Variants in HAUS6 observed in about 807,000 individuals in gnomAD.
HAUS6 encodes the protein HAUS augmin-like complex subunit 6.
A neutral mutation model predicts 106.8 loss-of-function variants in HAUS6; 80 were observed. The ratio of observed to expected loss-of-function variants is 0.75; its 90% confidence interval spans 0.63 to 0.90. The LOEUF (loss-of-function observed/expected upper bound fraction) is 0.90. HAUS6 is among the 40% of genes least tolerant of loss of function. The pLI is 0.00. For synonymous variants in HAUS6, 356 were observed against 379.1 expected, an observed-to-expected ratio of 0.94 and a Z score of 0.71; for missense variants, 1,155 against 1,118.1, an observed-to-expected ratio of 1.03 and a Z score of -0.47.
At position 19,053,538 on chromosome 9, in the gene HAUS6, T is replaced by G. The variant is rs1490708760; in HGVS notation, c.*2805A>C. On this transcript the variant is annotated 3_prime_UTR_variant, in exon 17 of 17. Transcript: ENST00000380502. ...CCCCAAATGTTAACTTCAGCTATTC[T>G]TTATTCCACTTGATGACATTTTTCA... The G allele has an allele frequency of 6.6e-6, 1 of 152,244 alleles. No homozygotes were observed. Among genetic ancestry groups the G allele is most frequent in the Non-Finnish European group, 1.5e-5 (1 of 68,016 alleles). 9.4% of individuals were successfully genotyped at this position (152,244 alleles called of 1,614,324 possible).
At chr9:19,065,598 T>C (rs901489874) in intron 12 of HAUS6, among the ~76,000 whole-genome samples, 1 of 152,178 alleles carries the variant, frequency 6.6e-6, no homozygotes, top group African/African-American at 2.4e-5. Context: ...CCCACCACTT[T>C]GGGAGGCTGA....
rs750868737 is a variant in HAUS6, at chr9:19,063,014, T to C, written c.1623A>G (p.Val541=). The C allele has an allele frequency of 1.2e-6, 2 of 1,607,952 alleles. No individual in the cohort carries two copies. The highest frequency in any genetic ancestry group is 1.7e-6 in the Non-Finnish European group (2 of 1,176,444). ...CATTACAGTCTTTTCTCACCTCTTC[T>C]ACCAGATGATCTTGCTCTTTTTGAA... ...DPFQKEQDHL[V]EEVARAVLSD... The change falls in exon 14 of 17, where the codon GTA becomes GTG. Residue 541 remains valine, a synonymous_variant. Transcript: ENST00000380502.
At position 19,057,987 on chromosome 9, in the gene HAUS6, C is replaced by T. The variant is rs551959406; in HGVS notation, c.2780G>A (p.Ser927Asn). ...EQRLRTTIAC[S>N]LGELPNLKEE... is the part of the protein sequence containing the mutation. ...CTTTAAATTAGGTAGTTCTCCAAGA[C>T]TACATGCTATTGTGGTTCTCAATCT... Residue 927 changes from serine to asparagine, a missense_variant, in exon 16 of 17, where the codon AGT (serine) becomes AAT (asparagine). By Grantham distance (46) the Ser-to-Asn change is conservative (BLOSUM62 1). Coordinates refer to ENST00000380502, the MANE Select transcript of HAUS6 (RefSeq NM_017645.5). 1.6e-4 allele frequency: 254 copies of T among 1,607,990 alleles called. 6 individuals are homozygous for T. The South Asian group carries it at 2.7e-3, about 17-fold the overall frequency.
At position 19,054,380 on chromosome 9, in the gene HAUS6, T is replaced by G. The variant is rs1836425640; in HGVS notation, c.*1963A>C. ...TCCTTAAGATCAAAAGGTAACTATG[T>G]AGGAGATACTGGATAGGGAAAAGGC... is the stretch of plus-strand genomic sequence containing the variant. On this transcript the variant is annotated 3_prime_UTR_variant, in exon 17 of 17. Coordinates refer to ENST00000380502, the MANE Select transcript of HAUS6 (RefSeq NM_017645.5). The G allele has an allele frequency of 6.6e-6, 1 of 152,144 alleles. No individual in the cohort carries two copies. The highest frequency in any genetic ancestry group is 2.4e-5 in the African/African-American group (1 of 41,418). 9.4% of individuals were successfully genotyped at this position (152,144 alleles called of 1,614,324 possible).
chr9:19,060,790 C>T (rs936975680), intron 14 of HAUS6, among the ~76,000 whole-genome samples: 2 of 151,992 alleles, frequency 1.3e-5, no homozygotes, highest in South Asian at 2.1e-4. Flanking sequence ...TCAATAAAAC[C>T]GAAAAAGAAA....
At chr9:19,077,971 GGATTGCTT>G (rs1001426387) in intron 10 of HAUS6, among the ~76,000 whole-genome samples, 197 bp downstream of exon 10, 2 of 152,076 alleles carry the variant, frequency 1.3e-5, no homozygotes, top group African/African-American at 4.8e-5. Context: ...TGAGGTGGGA[GGATTGCTT>G]GAGCCCGGAA....
At chr9:19,093,040 T>G in intron 4 of HAUS6, 131 bp downstream of exon 4, 1 of 663,468 alleles carries the variant, frequency 1.5e-6, no homozygotes, top group Middle Eastern at 4.3e-4. Flanking sequence ...ATATTAACCA[T>G]TTCCTTTTTG....
intron 4 of HAUS6, among the ~76,000 whole-genome samples, chr9:19,090,963 T>C (rs893551845): frequency 6.6e-6 from 1 of 152,108 alleles, no homozygotes; most frequent in Admixed American, 6.6e-5. Flanking sequence ...ACTTCCACAA[T>C]GTATTAACAT....
chr9:19,092,581 C>G (rs1368736777), intron 4 of HAUS6, among the ~76,000 whole-genome samples: 2 of 141,054 alleles, frequency 1.4e-5, no homozygotes, highest in East Asian at 4.2e-4. Context: ...CGCCATTGCA[C>G]TCCAGCCTGG....
intron 12 of HAUS6, among the ~76,000 whole-genome samples, chr9:19,064,632 T>C (rs1836719029): frequency 6.6e-6 from 1 of 152,240 alleles, no homozygotes; most frequent in Admixed American, 6.5e-5. Flanking sequence ...AGCATGCATG[T>C]TGGTACTTTC....
intron 5 of HAUS6, among the ~76,000 whole-genome samples, chr9:19,087,515 C>A (rs1837325513): frequency 6.6e-6 from 1 of 152,130 alleles, no homozygotes. Context: ...TAATATATAA[C>A]AAAGCATTCT....
At chr9:19,102,408 A>T in intron 1 of HAUS6, 116 bp downstream of exon 1, 1 of 1,149,710 alleles carries the variant, frequency 8.7e-7, no homozygotes, top group Non-Finnish European at 1.2e-6. Context: ...AATGCCTGGC[A>T]CAGAGTAACT....
In HAUS6 at chr9:19,096,700, G is replaced by C. The variant is rs146772121; in HGVS notation, c.198C>G (p.Asp66Glu). 4 of 1,526,734 alleles carry C rather than the reference G, an allele frequency of 2.6e-6. No individual in the cohort carries two copies. The African/African-American group carries it at 4.2e-5, about 16-fold the overall frequency. 94.6% of individuals were successfully genotyped at this position (1,526,734 alleles called of 1,614,324 possible). A position where few individuals can be genotyped will look rare whatever the true frequency, so the allele number is the denominator to read the frequency against. The change falls in exon 2 of 17, where the codon GAC becomes GAG. Residue 66 changes from aspartate to glutamate, a missense_variant. Physicochemically the swap from Asp to Glu is conservative, Grantham distance 45. Around this residue, in one of 3 missense-constraint regions of HAUS6, gnomAD observed 761 missense variants for 690.0 expected, o/e 1.10. Transcript: ENST00000380502. Reference sequence around the variant, plus strand: ...TGAAAACTTCTTTGGTGAGAGACTGGTCCAGAACTTGAAACAAAAAATAAG... The same window carrying C: ...TGAAAACTTCTTTGGTGAGAGACTGCTCCAGAACTTGAAACAAAAAATAAG... ...IISYFLFQVL[D>E]QSLTKEVFKF...
intron 1 of HAUS6, among the ~76,000 whole-genome samples, chr9:19,102,278 C>T (rs1315523638): frequency 6.6e-6 from 1 of 152,192 alleles, no homozygotes; most frequent in African/African-American, 2.4e-5. Flanking sequence ...TCCAGTCTTG[C>T]ACTCTCCCCA....
At chr9:19,096,540 C>G in intron 2 of HAUS6, 134 bp downstream of exon 2, 1 of 533,036 alleles carries the variant, frequency 1.9e-6, no homozygotes. Flanking sequence ...ACTCCAGCCT[C>G]GATGACGGAG....
At chr9:19,079,880 CA>C (rs972520230) in intron 9 of HAUS6, among the ~76,000 whole-genome samples, 51 of 137,774 alleles carry the variant, frequency 3.7e-4, no homozygotes, top group Admixed American at 5.9e-4. Context: ...GACTCTGTCT[CA>C]AAAAAAAAAG....
chr9:19,091,959 G>A (rs1046400789), intron 4 of HAUS6, among the ~76,000 whole-genome samples: 3 of 151,386 alleles, frequency 2.0e-5, no homozygotes, highest in Non-Finnish European at 4.4e-5. Flanking sequence ...ACCACACTCA[G>A]CCAAAAAATA....
rs1211670122 is a variant in HAUS6 at position 19,053,495 on chromosome 9, T to A, written c.*2848A>T. ...AAAGGTATCAAAATACTCATATTTTTGTTTTCAGCTCAATTTCCCCCAAAT... is the reference window on the plus strand; with the variant it reads ...AAAGGTATCAAAATACTCATATTTTAGTTTTCAGCTCAATTTCCCCCAAAT... On this transcript the variant is annotated 3_prime_UTR_variant, in exon 17 of 17. Coordinates refer to ENST00000380502, the MANE Select transcript of HAUS6 (RefSeq NM_017645.5). 2.0e-5 allele frequency: 3 copies of A among 152,208 alleles called. No homozygotes were observed. The highest frequency in any genetic ancestry group is 7.2e-5 in the African/African-American group (3 of 41,452). The allele number at this position is 152,208 out of a possible 1,614,324, so 9.4% of individuals were successfully genotyped here.
intron 7 of HAUS6, among the ~76,000 whole-genome samples, chr9:19,083,856 T>G (rs1837222233): frequency 6.6e-6 from 1 of 151,670 alleles, no homozygotes; most frequent in Admixed American, 6.6e-5. Flanking sequence ...ATCTCAATTT[T>G]AAGTCATTCA....
Sources: gnomAD v4.1 joint callset for allele counts (sites outside exome capture counted in the v4.1 genomes callset) on GRCh38, gnomAD v4.1.1 for gene constraint, gnomAD v4.1.1 regional missense constraint, MANE v1.5 for transcripts, NCBI Gene and HGNC (gene_info 2026-07-23, HGNC 2026-07-21) for gene names.